NTRK2: variants seen among roughly 807,000 people sequenced by gnomAD.
NTRK2 encodes the protein BDNF/NT-3 growth factors receptor.
NTRK2 carries 13 observed loss-of-function variants against 94.5 expected under a neutral mutation model. That is an observed-to-expected ratio of 0.14 (90% CI 0.09 to 0.22). NTRK2 has a LOEUF of 0.22. NTRK2 is among the 10% of genes least tolerant of loss of function. NTRK2 has a pLI of 1.00. For missense variants in NTRK2, 639 were observed against 1,071.2 expected (o/e 0.60, Z 5.63); for synonymous variants, 372 against 407.4 (o/e 0.91, Z 1.05).
intron 14 of NTRK2, among the ~76,000 whole-genome samples, chr9:84,882,359 T>C (rs753762780): frequency 6.6e-5 from 10 of 152,252 alleles, no homozygotes; most frequent in Non-Finnish European, 1.0e-4. Context: ...AGATTCAAAA[T>C]TGACAACAAG....
At chr9:84,949,380 G>C (rs1328819397) in intron 16 of NTRK2, among the ~76,000 whole-genome samples, 1 of 152,160 alleles carries the variant, frequency 6.6e-6, no homozygotes, top group Non-Finnish European at 1.5e-5. Flanking sequence ...ACTATAAAGG[G>C]AGTCACTGGG....
At chr9:84,882,265 C>T (rs1212324743) in intron 14 of NTRK2, among the ~76,000 whole-genome samples, 1 of 152,164 alleles carries the variant, frequency 6.6e-6, no homozygotes, top group African/African-American at 2.4e-5. Context: ...GCCAGTTTAA[C>T]TGATGAGATG....
intron 14 of NTRK2, among the ~76,000 whole-genome samples, chr9:84,925,097 T>C (rs2132621842): frequency 6.6e-6 from 1 of 152,176 alleles, no homozygotes. Context: ...ATCTCTCTTC[T>C]CTGTTCAGAA....
intron 17 of NTRK2, among the ~76,000 whole-genome samples, chr9:85,009,012 CA>C: frequency 6.6e-6 from 1 of 152,286 alleles, no homozygotes; most frequent in East Asian, 1.9e-4. Context: ...GACTCTAAGG[CA>C]AGTGATTTAT....
At chr9:84,812,107 T>G in intron 12 of NTRK2, 1 of 1,059,750 alleles carries the variant, frequency 9.4e-7, no homozygotes, top group Non-Finnish European at 1.1e-6. Context: ...AGCTTTAAGG[T>G]TCTATAGATT....
At chr9:84,856,441 G>T (rs922071473) in intron 12 of NTRK2, among the ~76,000 whole-genome samples, 2 of 152,170 alleles carry the variant, frequency 1.3e-5, no homozygotes, top group African/African-American at 4.8e-5. Flanking sequence ...GTGCCAGTAG[G>T]AAAGGGAGAT....
intron 12 of NTRK2, among the ~76,000 whole-genome samples, chr9:84,776,521 C>T (rs181790864): frequency 1.0e-3 from 159 of 152,262 alleles, no homozygotes; most frequent in African/African-American, 3.3e-3. Flanking sequence ...CATGTCTGGC[C>T]TGTTTCTTAA....
At position 84,746,450 on chromosome 9, in the gene NTRK2, C is replaced by T. The variant is rs191287989; in HGVS notation, c.1296+1377C>T. 9.8e-4 allele frequency among the ~76,000 whole-genome samples: 149 copies of T among 152,316 alleles called. 1 individual carries two copies. The highest frequency in any genetic ancestry group is 3.4e-3 in the Middle Eastern group (1 of 294). On this transcript the variant is annotated intron_variant, in intron 11 of 18. Transcript: ENST00000277120. ...CCACGCAGCCTCCTAACCCATCTCC[C>T]TCTCCCAGCCTTGTGTTTCCTGGTC...
chr9:84,784,605 C>T (rs1228671851), intron 12 of NTRK2, among the ~76,000 whole-genome samples: 3 of 152,168 alleles, frequency 2.0e-5, no homozygotes, highest in African/African-American at 7.2e-5. Context: ...ATTCAGACAT[C>T]GATTTTCTCT....
intron 9 of NTRK2, among the ~76,000 whole-genome samples, chr9:84,730,758 A>AAG (rs2062805779): frequency 7.9e-6 from 1 of 126,778 alleles, no homozygotes; most frequent in Non-Finnish European, 1.6e-5. Context: ...AAAAAAAAAA[A>AAG]AACTAAAGAA....
At chr9:84,759,900 C>CAGAT (rs2065401664) in intron 12 of NTRK2, among the ~76,000 whole-genome samples, 1 of 152,186 alleles carries the variant, frequency 6.6e-6, no homozygotes, top group African/African-American at 2.4e-5. Context: ...ATGAAGAAGA[C>CAGAT]AGATAATAAC....
At chr9:84,762,303 T>C (rs1588435290) in intron 12 of NTRK2, among the ~76,000 whole-genome samples, 1 of 152,160 alleles carries the variant, frequency 6.6e-6, no homozygotes, top group Non-Finnish European at 1.5e-5. Context: ...CCTGGAATGG[T>C]GTGGATGTCA....
At chr9:84,733,737 T>TTAGGCAGGACCCAGATGAAGG (rs1267336730) in intron 9 of NTRK2, among the ~76,000 whole-genome samples, 1 of 152,164 alleles carries the variant, frequency 6.6e-6, no homozygotes, top group Non-Finnish European at 1.5e-5. Context: ...TGCCTTGATA[T>TTAGGCAGGACCCAGATGAAGG]TAGGCAGGAC....
intron 13 of NTRK2, among the ~76,000 whole-genome samples, chr9:84,866,624 G>A (rs2075607347): frequency 6.6e-6 from 1 of 152,204 alleles, no homozygotes; most frequent in South Asian, 2.1e-4. Flanking sequence ...TACACTGCTG[G>A]TGGGAATATA....
chr9:84,939,051 C>CAAAAAAAAAAAAAAA (rs138558531), intron 15 of NTRK2, among the ~76,000 whole-genome samples: 2 of 68,412 alleles, frequency 2.9e-5, no homozygotes, highest in Non-Finnish European at 5.4e-5. Context: ...GACCCCAACT[C>CAAAAAAAAAAAAAAA]AAAAAAAAAA....
chr9:84,883,009 T>A (rs192328514), intron 14 of NTRK2, among the ~76,000 whole-genome samples: 1 of 152,232 alleles, frequency 6.6e-6, no homozygotes, highest in African/African-American at 2.4e-5. Context: ...TCAGGTGATC[T>A]GCCCGCCTCA....
At chr9:84,689,919 T>A (rs112901055) in intron 2 of NTRK2, among the ~76,000 whole-genome samples, 1,678 of 152,344 alleles carry the variant, frequency 0.011, 12 homozygotes, top group African/African-American at 0.016. Flanking sequence ...GCTTTTTTTT[T>A]AAATAAGATA....
intron 2 of NTRK2, among the ~76,000 whole-genome samples, chr9:84,694,725 C>T (rs570201707): frequency 6.6e-6 from 1 of 152,200 alleles, no homozygotes; most frequent in South Asian, 2.1e-4. Flanking sequence ...AGTTGAAATG[C>T]CGTGGCTGTA....
chr9:84,799,314 AT>A (rs969852348), intron 12 of NTRK2, among the ~76,000 whole-genome samples: 1 of 152,268 alleles, frequency 6.6e-6, no homozygotes, highest in Non-Finnish European at 1.5e-5. Context: ...TAAAAAAAAA[AT>A]TAGGATGATA....
Sources: gnomAD v4.1 joint callset for allele counts (sites outside exome capture counted in the v4.1 genomes callset) on GRCh38, gnomAD v4.1.1 for gene constraint, MANE v1.5 for transcripts, NCBI Gene and HGNC (gene_info 2026-07-23, HGNC 2026-07-21) for gene names.